Variants in NRXN2 observed in about 807,000 individuals in gnomAD.
NRXN2 encodes the protein neurexin 2.
In NRXN2, 29 loss-of-function variants were observed where a neutral mutation model predicts 128.8. The ratio of observed to expected loss-of-function variants is 0.23; its 90% CI spans 0.17 to 0.31. The LOEUF (loss-of-function observed/expected upper bound fraction) is 0.31. Among genes scored for constraint, NRXN2 ranks in the 10% least tolerant of loss-of-function variants. The pLI, the probability that NRXN2 is intolerant of heterozygous loss-of-function variation, is 1.00. For missense variants in NRXN2, 1,881 were observed against 2,452.6 expected, an observed-to-expected ratio of 0.77 and a Z score of 4.92; for synonymous variants, 1,098 against 1,075.2, an observed-to-expected ratio of 1.02 and a Z score of -0.41.
At chr11:64,722,500 C>T (rs1335959598) in intron 1 of NRXN2, among the ~76,000 whole-genome samples, 1 of 151,752 alleles carries the variant, frequency 6.6e-6, no homozygotes, top group Non-Finnish European at 1.5e-5. Flanking sequence ...CTTGGCCTGG[C>T]CCCTTTCCTT....
intron 2 of NRXN2, among the ~76,000 whole-genome samples, chr11:64,705,802 C>T (rs1440001291): frequency 2.0e-5 from 3 of 150,850 alleles, no homozygotes; most frequent in African/African-American, 7.3e-5. Flanking sequence ...AACTTCCAAC[C>T]GTGCAGACCT....
At chr11:64,614,355 G>A (rs1460893579) in intron 22 of NRXN2, among the ~76,000 whole-genome samples, 4 of 152,208 alleles carry the variant, frequency 2.6e-5, no homozygotes, top group African/African-American at 7.2e-5. Flanking sequence ...TGAGGCTTGA[G>A]AACTGTGTCT....
At chr11:64,689,636 G>A (rs1382365897) in intron 5 of NRXN2, among the ~76,000 whole-genome samples, 1 of 152,188 alleles carries the variant, frequency 6.6e-6, no homozygotes, top group African/African-American at 2.4e-5. Flanking sequence ...TGACAGTTAT[G>A]ATACAGTGTG....
intron 17 of NRXN2, among the ~76,000 whole-genome samples, chr11:64,640,646 G>A (rs937916772): frequency 6.6e-6 from 1 of 152,194 alleles, no homozygotes; most frequent in African/African-American, 2.4e-5. Flanking sequence ...TGTTGCCTGA[G>A]AGGAGCCAGG....
intron 1 of NRXN2, among the ~76,000 whole-genome samples, chr11:64,715,511 C>A (rs1013041346): frequency 6.6e-6 from 1 of 152,090 alleles, no homozygotes; most frequent in Admixed American, 6.6e-5. Flanking sequence ...AAACGAGGGA[C>A]CCCCTAAAAA....
chr11:64,667,473 C>T lies in NRXN2; in HGVS notation c.1575G>A (p.Glu525=). 3.7e-6 allele frequency: 6 copies of T among 1,614,080 alleles called. No individual in the cohort carries two copies. Among genetic ancestry groups the T allele is most frequent in the Non-Finnish European group, 5.1e-6 (6 of 1,180,032 alleles). ...GGCTGAAGAGCAGCAGCCCATTGGG[C>T]TCGGTGGTGCGGAAGTCTAGGGAGA... ...GSISLDFRTT[E]PNGLLLFSQG... Residue 525 remains glutamate, a synonymous_variant, in exon 9 of 23, where the codon GAG becomes GAA. Coordinates refer to ENST00000265459, the MANE Select transcript of NRXN2 (RefSeq NM_015080.4). The surrounding 1 kb of genome is among the most constrained non-coding windows in gnomAD (Gnocchi z 5.6).
intron 19 of NRXN2, among the ~76,000 whole-genome samples, chr11:64,628,232 C>T (rs2043356266): frequency 6.6e-6 from 1 of 152,168 alleles, no homozygotes; most frequent in African/African-American, 2.4e-5. Context: ...ATCACCTTTC[C>T]GAAGTGGAAA....
At chr11:64,707,587 A>G (rs1162037592) in intron 2 of NRXN2, among the ~76,000 whole-genome samples, 1 of 152,154 alleles carries the variant, frequency 6.6e-6, no homozygotes, top group Non-Finnish European at 1.5e-5. Flanking sequence ...AGCATTTTCT[A>G]TGTACCAGGC....
intron 8 of NRXN2, 80 bp downstream of exon 8, chr11:64,668,363 C>A (rs1244978943): frequency 1.9e-6 from 3 of 1,569,526 alleles, no homozygotes; most frequent in Admixed American, 1.7e-5. Flanking sequence ...AGACAACTAG[C>A]CAGGTCAGAC....
intron 22 of NRXN2, among the ~76,000 whole-genome samples, chr11:64,609,755 G>A (rs994354480): frequency 2.6e-5 from 4 of 152,192 alleles, no homozygotes; most frequent in Non-Finnish European, 5.9e-5. Flanking sequence ...CTCTGGGCCT[G>A]ACGAGGGTTG....
intron 11 of NRXN2, among the ~76,000 whole-genome samples, chr11:64,659,119 C>G (rs914827083): frequency 1.1e-4 from 16 of 152,242 alleles, no homozygotes; most frequent in African/African-American, 3.4e-4. Flanking sequence ...GTCCAGGATA[C>G]AACAAGTGAC....
chr11:64,700,272 C>T (rs2055149854), intron 2 of NRXN2, among the ~76,000 whole-genome samples: 1 of 152,208 alleles, frequency 6.6e-6, no homozygotes, highest in African/African-American at 2.4e-5. Flanking sequence ...CCCAGCAGTG[C>T]AATTGCTCGT....
chr11:64,614,405 C>G (rs996402727), intron 22 of NRXN2, among the ~76,000 whole-genome samples: 1 of 152,228 alleles, frequency 6.6e-6, no homozygotes, highest in Non-Finnish European at 1.5e-5. Flanking sequence ...CCTTGGGCCC[C>G]AAATCTGCAT....
In NRXN2 at chr11:64,651,375, G is replaced by A. The variant is rs773031177; in HGVS notation, c.2798C>T (p.Thr933Met). The change falls in exon 14 of 23, where the codon ACG (threonine) becomes ATG (methionine). Residue 933 changes from threonine to methionine, a missense_variant. Thr to Met is a moderately conservative substitution (Grantham distance 81, BLOSUM62 -1). Transcript: ENST00000265459. The surrounding 1 kb of genome is among the most constrained non-coding windows in gnomAD (Gnocchi z 5.9). ...KSRSSYLALA[T>M]LQAYASMHLF... ...GTGCATGGAAGCATAGGCTTGGAGC[G>A]TGGCGAGTGCCAGGTAGCTGCTGCG... The A allele has an allele frequency of 8.1e-6, 13 of 1,614,088 alleles. No homozygotes were observed. The highest frequency in any genetic ancestry group is 3.3e-5 in the Admixed American group (2 of 60,006).
At chr11:64,608,627 G>A (rs2040108983) in intron 22 of NRXN2, among the ~76,000 whole-genome samples, 1 of 151,572 alleles carries the variant, frequency 6.6e-6, no homozygotes, top group Admixed American at 6.6e-5. Context: ...CTGTGTAAGC[G>A]GGTTCTCCCG....
At chr11:64,691,696 C>T (rs1313308338) in intron 4 of NRXN2, among the ~76,000 whole-genome samples, 4 of 152,016 alleles carry the variant, frequency 2.6e-5, no homozygotes, top group African/African-American at 7.3e-5. Context: ...TGTGAGTGAA[C>T]CAACCAGGGT....
intron 2 of NRXN2, among the ~76,000 whole-genome samples, chr11:64,703,207 C>A (rs2135632780): frequency 6.6e-6 from 1 of 152,266 alleles, no homozygotes; most frequent in South Asian, 2.1e-4. Context: ...CCTCATTCAT[C>A]TCTCTATATC....
intron 7 of NRXN2, among the ~76,000 whole-genome samples, chr11:64,670,430 G>A (rs899799286): frequency 1.1e-4 from 17 of 152,162 alleles, no homozygotes; most frequent in African/African-American, 3.6e-4. Flanking sequence ...TGGAGAAAGG[G>A]AAGAAGGAAC....
At position 64,660,963 on chromosome 11, in the gene NRXN2, G is replaced by A; in HGVS notation, c.1975C>T (p.Arg659Trp). Residue 659 changes from arginine to tryptophan, a missense_variant, in exon 10 of 23, where the codon CGG becomes TGG. By Grantham distance (101) the Arg-to-Trp change is moderately radical. Transcript: ENST00000265459. This position sits in a 1 kb window ranked among gnomAD's most constrained non-coding sequence, Gnocchi z 5.2. The part of the protein sequence containing the change: ...ALRAGYVGCV[R>W]DLFIDGRSRD... ...CTACGCCCATCTATGAAGAGGTCCC[G>A]CACACAGCCCACGTAGCCTGCCCGG... is the stretch of plus-strand genomic sequence containing the variant. 3 of 1,613,848 alleles carry A rather than the reference G, an allele frequency of 1.9e-6. No homozygotes were observed. The highest frequency in any genetic ancestry group is 2.2e-5 in the South Asian group (2 of 91,074).
Sources: gnomAD v4.1 joint callset for allele counts (sites outside exome capture counted in the v4.1 genomes callset) on GRCh38, gnomAD v4.1.1 for gene constraint, Gnocchi (gnomAD v3.1) non-coding constraint, MANE v1.5 for transcripts, NCBI Gene and HGNC (gene_info 2026-07-23, HGNC 2026-07-21) for gene names.